Variants in MAPRE2 observed in about 807,000 individuals in gnomAD.
MAPRE2 encodes microtubule associated protein RP/EB family member 2, also known as microtubule-associated protein RP/EB family member 2.
Under a neutral mutation model 43.2 loss-of-function variants are expected in MAPRE2, and 13 were observed. The observed-to-expected ratio is 0.30, with a 90% CI of 0.20 to 0.48. The LOEUF is 0.48. MAPRE2 is among the 20% of genes least tolerant of loss of function. MAPRE2 has a pLI of 0.99. For synonymous variants in MAPRE2, 135 were observed against 148.8 expected, an observed-to-expected ratio of 0.91 and a Z score of 0.68; for missense variants, 161 against 400.2, an observed-to-expected ratio of 0.40 and a Z score of 5.10.
chr18:34,984,048 CATT>C (rs2097017753), intron 1 of MAPRE2, among the ~76,000 whole-genome samples: 2 of 152,190 alleles, frequency 1.3e-5, no homozygotes, highest in South Asian at 4.1e-4. Flanking sequence ...CTAAAGCTGA[CATT>C]ATGCTGTGGA....
At chr18:34,994,185 G>A (rs1412440716) in intron 1 of MAPRE2, among the ~76,000 whole-genome samples, 5 of 151,764 alleles carry the variant, frequency 3.3e-5, no homozygotes, top group Non-Finnish European at 5.9e-5. Context: ...GAAACCATGT[G>A]GGATGGGGAG....
chr18:35,048,559 ATAG>A (rs976847645), intron 1 of MAPRE2, among the ~76,000 whole-genome samples: 3 of 150,072 alleles, frequency 2.0e-5, no homozygotes, highest in African/African-American at 4.9e-5. Context: ...TCACACATAT[ATAG>A]TAGTAACATA....
intron 4 of MAPRE2, among the ~76,000 whole-genome samples, chr18:35,111,730 T>C (rs1451322113): frequency 1.3e-5 from 2 of 152,210 alleles, no homozygotes; most frequent in Admixed American, 1.3e-4. Flanking sequence ...TGGCACTAAA[T>C]CTTCATTTAC....
chr18:35,043,617 A>G (rs973805472), intron 1 of MAPRE2, among the ~76,000 whole-genome samples: 1 of 152,228 alleles, frequency 6.6e-6, no homozygotes, highest in Non-Finnish European at 1.5e-5. Flanking sequence ...GTAAAAAACA[A>G]AACTGAATTT....
At chr18:35,071,410 C>T (rs931306859) in intron 2 of MAPRE2, among the ~76,000 whole-genome samples, 13 of 152,180 alleles carry the variant, frequency 8.5e-5, no homozygotes, top group African/African-American at 3.1e-4. Context: ...AAATATGCTG[C>T]TAGTAAATTA....
chr18:35,024,367 A>G (rs2097043820), intron 2 of MAPRE2, among the ~76,000 whole-genome samples: 1 of 152,196 alleles, frequency 6.6e-6, no homozygotes, highest in Non-Finnish European at 1.5e-5. Context: ...TCTCCCTTTT[A>G]TTCATGCTCT....
chr18:34,985,316 T>TAA (rs1568961572), intron 1 of MAPRE2, among the ~76,000 whole-genome samples: 27 of 43,750 alleles, frequency 6.2e-4, no homozygotes, highest in African/African-American at 1.3e-3. Flanking sequence ...ATATATTATA[T>TAA]TATATATATA....
At chr18:35,083,862 A>G (rs1907752851) in intron 2 of MAPRE2, among the ~76,000 whole-genome samples, 1 of 152,176 alleles carries the variant, frequency 6.6e-6, no homozygotes, top group Non-Finnish European at 1.5e-5. Flanking sequence ...CCTAAATCTT[A>G]ATCAAGGGCT....
intron 2 of MAPRE2, among the ~76,000 whole-genome samples, chr18:35,030,634 G>A (rs886981572): frequency 1.3e-5 from 2 of 152,182 alleles, no homozygotes; most frequent in African/African-American, 2.4e-5. Flanking sequence ...AATATTAGGT[G>A]TTGCTATTAA....
intron 1 of MAPRE2, among the ~76,000 whole-genome samples, chr18:34,981,652 C>G (rs1176639667): frequency 6.6e-6 from 1 of 152,068 alleles, no homozygotes; most frequent in Non-Finnish European, 1.5e-5. Context: ...TGCCAAATTA[C>G]ACAAGTGAAT....
intron 4 of MAPRE2, among the ~76,000 whole-genome samples, chr18:35,119,462 G>A (rs1909572592): frequency 6.6e-6 from 1 of 152,156 alleles, no homozygotes; most frequent in African/African-American, 2.4e-5. Context: ...TCCCCTGTTA[G>A]AATGTTAATT....
intron 4 of MAPRE2, among the ~76,000 whole-genome samples, chr18:35,103,990 TA>T (rs1164731125): frequency 6.6e-6 from 1 of 151,930 alleles, no homozygotes; most frequent in East Asian, 1.9e-4. Context: ...TAAAGAAAAC[TA>T]AGCACAGATC....
chr18:35,096,697 C>A (rs1479158319), intron 2 of MAPRE2, among the ~76,000 whole-genome samples: 1 of 151,802 alleles, frequency 6.6e-6, no homozygotes, highest in Non-Finnish European at 1.5e-5. Flanking sequence ...TGGCTTATAA[C>A]AAAATTTAAC....
chr18:35,041,357 G>A (rs1905347762), upstream of MAPRE2: 2 of 1,447,304 alleles, frequency 1.4e-6, no homozygotes, highest in Admixed American at 2.7e-5. Context: ...CCGGCGCTCT[G>A]ACGTCAGCTG....
chr18:35,021,742 A>G (rs918753578), intron 2 of MAPRE2, among the ~76,000 whole-genome samples: 1 of 152,174 alleles, frequency 6.6e-6, no homozygotes, highest in African/African-American at 2.4e-5. Flanking sequence ...CTAGAAAAGT[A>G]TTAGAGAAAT....
chr18:35,026,395 A>G (rs778484620), intron 2 of MAPRE2, among the ~76,000 whole-genome samples: 5 of 152,176 alleles, frequency 3.3e-5, no homozygotes, highest in Admixed American at 6.5e-5. Flanking sequence ...ATTTCTGTGC[A>G]TGCCTCTGAC....
intron 1 of MAPRE2, among the ~76,000 whole-genome samples, chr18:34,997,602 G>A (rs972584283): frequency 1.3e-5 from 2 of 152,110 alleles, no homozygotes; most frequent in Non-Finnish European, 2.9e-5. Flanking sequence ...GATCCCCTGA[G>A]GTAAAGAGTT....
chr18:35,083,809 A>G (rs554220347), intron 2 of MAPRE2, among the ~76,000 whole-genome samples: 8 of 151,950 alleles, frequency 5.3e-5, no homozygotes, highest in Non-Finnish European at 1.2e-4. Context: ...TGCCAGTAAA[A>G]TCTCTATTTT....
At chr18:35,119,705 AAC>A (rs1316005498) in intron 4 of MAPRE2, among the ~76,000 whole-genome samples, 9 of 152,224 alleles carry the variant, frequency 5.9e-5, no homozygotes, top group Non-Finnish European at 1.3e-4. Context: ...TGGTTCTAAA[AAC>A]AAATTTATTG....
Sources: allele counts gnomAD v4.1 joint callset (sites outside exome capture counted in the v4.1 genomes callset), GRCh38; gene constraint gnomAD v4.1.1; transcripts MANE v1.5; gene names NCBI Gene and HGNC (gene_info 2026-07-23, HGNC 2026-07-21).